Variants in UNC79 observed in about 807,000 individuals in gnomAD.
The protein encoded by UNC79 is unc-79 subunit of NALCN channel complex, also known as protein unc-79 homolog.
In UNC79, 37 loss-of-function variants were observed where a neutral mutation model predicts 283.1. The ratio of observed to expected loss-of-function variants is 0.13; its 90% CI spans 0.10 to 0.17. The LOEUF is 0.17. Ranked by LOEUF, UNC79 falls within the 10% of genes least tolerant of loss-of-function variation. The probability of loss-of-function intolerance (pLI) is 1.00; values close to 1 mark genes in which losing one functional copy is unlikely to be tolerated. For synonymous variants in UNC79, 1,107 were observed against 1,200.2 expected, an observed-to-expected ratio of 0.92 and a Z score of 1.61; for missense variants, 2,272 against 3,211.1, an observed-to-expected ratio of 0.71 and a Z score of 7.07.
At chr14:93,346,499 T>C (rs1448910771) in intron 1 of UNC79, among the ~76,000 whole-genome samples, 1 of 152,128 alleles carries the variant, frequency 6.6e-6, no homozygotes, top group Admixed American at 6.5e-5. Flanking sequence ...AATAAGAAAA[T>C]TAGCCGTAGT....
intron 30 of UNC79, among the ~76,000 whole-genome samples, chr14:93,628,211 C>T (rs1023242645): frequency 9.9e-5 from 15 of 152,154 alleles, no homozygotes; most frequent in African/African-American, 3.6e-4. Flanking sequence ...CCTATGTGGT[C>T]CTAGTCCTCA....
intron 7 of UNC79, among the ~76,000 whole-genome samples, chr14:93,513,585 C>T (rs979446737): frequency 6.6e-6 from 1 of 152,040 alleles, no homozygotes; most frequent in Admixed American, 6.6e-5. Context: ...TATTTTGTTA[C>T]CTGCACAGAC....
chr14:93,404,539 GTAATA>G (rs1406512416), intron 1 of UNC79, among the ~76,000 whole-genome samples: 33 of 107,032 alleles, frequency 3.1e-4, no homozygotes, highest in African/African-American at 5.5e-4. Flanking sequence ...ATATATTATT[GTAATA>G]TAATATATAT....
rs765289519 is a variant in UNC79 at position 93,586,745 on chromosome 14, T to C, written c.2884-15T>C. On this transcript the variant is annotated splice_polypyrimidine_tract_variant and intron_variant, in intron 21 of 48. Coordinates refer to ENST00000555664, the Ensembl canonical transcript of UNC79. ...TGTTTTGGATAACTTAGTAACCATG[T>C]GGTTTTTTGTATAGGAAATGGCTAA... The C allele has an allele frequency of 1.2e-6, 2 of 1,613,108 alleles. No homozygotes were observed. The highest frequency in any genetic ancestry group is 1.7e-6 in the Non-Finnish European group (2 of 1,179,714).
intron 4 of UNC79, among the ~76,000 whole-genome samples, chr14:93,479,508 G>C (rs983540714): frequency 7.2e-5 from 11 of 151,822 alleles, no homozygotes; most frequent in African/African-American, 1.2e-4. Flanking sequence ...ATGTTGGCCA[G>C]GCTGGTCTCA....
At chr14:93,584,259 T>C (rs927658003) in intron 20 of UNC79, among the ~76,000 whole-genome samples, 18 of 152,230 alleles carry the variant, frequency 1.2e-4, no homozygotes, top group Non-Finnish European at 2.6e-4. Flanking sequence ...TCACTCCTAC[T>C]ATTCATTCAC....
Position 93,646,659 on chromosome 14 carries a change from C to A in UNC79, c.6083+13C>A. The A allele has an allele frequency of 6.2e-7, 1 of 1,613,528 alleles. No individual in the cohort carries two copies. The highest frequency in any genetic ancestry group is 8.5e-7 in the Non-Finnish European group (1 of 1,179,626). On this transcript the variant is annotated intron_variant, in intron 35 of 48. Coordinates refer to ENST00000555664, the Ensembl canonical transcript of UNC79. ...ATCAAGCAGAAAGGTAAGGTCCTAA[C>A]GGGAGCCCAGATCTCACTTTCTTTT...
chr14:93,541,645 C>G (rs986404653), intron 13 of UNC79, among the ~76,000 whole-genome samples: 1 of 151,946 alleles, frequency 6.6e-6, no homozygotes, highest in African/African-American at 2.4e-5. Context: ...TTTTTTTATT[C>G]CTGGACCCTG....
intron 35 of UNC79, among the ~76,000 whole-genome samples, chr14:93,650,954 A>G (rs895340677): frequency 2.7e-5 from 4 of 150,326 alleles, no homozygotes; most frequent in South Asian, 4.2e-4. Flanking sequence ...TCTCAAATTA[A>G]TTTTTATGTA....
chr14:93,601,804 G>A (rs1419263400), intron 25 of UNC79, among the ~76,000 whole-genome samples: 1 of 152,188 alleles, frequency 6.6e-6, no homozygotes, highest in African/African-American at 2.4e-5. Flanking sequence ...TCTTGCAGGA[G>A]TAAGGTGGTA....
chr14:93,674,504 C>T (rs144248039), intron 41 of UNC79, among the ~76,000 whole-genome samples: 1 of 152,330 alleles, frequency 6.6e-6, no homozygotes, highest in Non-Finnish European at 1.5e-5. Context: ...CCATGAGCTA[C>T]AGCTGGGATC....
At chr14:93,465,914 A>C (rs1355440357) in intron 1 of UNC79, among the ~76,000 whole-genome samples, 1 of 152,138 alleles carries the variant, frequency 6.6e-6, no homozygotes, top group Non-Finnish European at 1.5e-5. Context: ...TATATCTCGG[A>C]TATTTGGAAC....
At chr14:93,397,723 C>T (rs2055026231) in intron 1 of UNC79, among the ~76,000 whole-genome samples, 1 of 151,410 alleles carries the variant, frequency 6.6e-6, no homozygotes, top group Non-Finnish European at 1.5e-5. Flanking sequence ...AGAGTGTCCC[C>T]TAATTCCATT....
chr14:93,593,572 C>A, intron 22 of UNC79, 108 bp from the exon 23 acceptor site: 1 of 1,348,364 alleles, frequency 7.4e-7, no homozygotes, highest in South Asian at 1.5e-5. Context: ...CCAAAAGCAC[C>A]CCTACCCACC....
intron 1 of UNC79, among the ~76,000 whole-genome samples, chr14:93,401,858 C>T (rs2055113862): frequency 6.6e-6 from 1 of 151,934 alleles, no homozygotes; most frequent in African/African-American, 2.4e-5. Flanking sequence ...ACAGACAAAC[C>T]ACAAACTGTT....
chr14:93,704,577 G>A (rs140552508), intron 47 of UNC79, 48 bp from the exon 51 acceptor site: 2 of 1,603,084 alleles, frequency 1.2e-6, no homozygotes, highest in African/African-American at 2.7e-5. Flanking sequence ...AAGCTTTGTG[G>A]GAGAATAGAG....
intron 27 of UNC79, among the ~76,000 whole-genome samples, chr14:93,613,527 G>T (rs1210040308): frequency 1.3e-5 from 2 of 150,238 alleles, no homozygotes; most frequent in Non-Finnish European, 2.9e-5. Context: ...CCATTCTCCT[G>T]CCTCAGCCTC....
At chr14:93,691,210 G>C (rs2074669731) in intron 45 of UNC79, 1 of 162,342 alleles carries the variant, frequency 6.2e-6, no homozygotes, top group African/African-American at 2.4e-5. Flanking sequence ...GAGAGTGATG[G>C]AGGTGATATA....
intron 41 of UNC79, among the ~76,000 whole-genome samples, chr14:93,677,343 TCA>T (rs1320159190): frequency 6.6e-6 from 1 of 152,206 alleles, no homozygotes; most frequent in Non-Finnish European, 1.5e-5. Flanking sequence ...TTTAATTGAC[TCA>T]CAGTTCCACA....
Sources: allele counts gnomAD v4.1 joint callset (sites outside exome capture counted in the v4.1 genomes callset), GRCh38; gene constraint gnomAD v4.1.1; transcripts MANE v1.5; gene names NCBI Gene and HGNC (gene_info 2026-07-23, HGNC 2026-07-21).